Variants in LIN7A observed in about 807,000 individuals in gnomAD.
LIN7A encodes the protein protein lin-7 homolog A.
In LIN7A, 25 loss-of-function variants were observed where a neutral mutation model predicts 29.8. The observed-to-expected ratio is 0.84, with a 90% confidence interval of 0.61 to 1.17. The LOEUF is 1.17. Ranked by LOEUF, LIN7A falls within the 50% of genes most tolerant of loss-of-function variation. The probability of loss-of-function intolerance (pLI) is 0.00; values close to 1 mark genes in which losing one functional copy is unlikely to be tolerated. For synonymous variants in LIN7A, 118 were observed against 107.5 expected, an observed-to-expected ratio of 1.10 and a Z score of -0.60; for missense variants, 239 against 287.0, an observed-to-expected ratio of 0.83 and a Z score of 1.21.
intron 1 of LIN7A, among the ~76,000 whole-genome samples, chr12:80,901,443 T>C (rs574965660): frequency 6.6e-6 from 1 of 152,302 alleles, no homozygotes; most frequent in South Asian, 2.1e-4. Flanking sequence ...GCCACAAATA[T>C]ATACCAGTTG....
chr12:80,856,199 T>G (rs1214172942), intron 2 of LIN7A, among the ~76,000 whole-genome samples: 1 of 152,068 alleles, frequency 6.6e-6, no homozygotes, highest in Non-Finnish European at 1.5e-5. Flanking sequence ...CCAGTGAAAA[T>G]CCAAGAAGGA....
intron 2 of LIN7A, among the ~76,000 whole-genome samples, chr12:80,880,698 A>G (rs559195449): frequency 1.3e-5 from 2 of 151,828 alleles, no homozygotes; most frequent in East Asian, 3.9e-4. Flanking sequence ...CAGTATCAAG[A>G]TTTTTGTTCC....
chr12:80,815,892 G>A (rs1871506360), intron 4 of LIN7A, among the ~76,000 whole-genome samples: 1 of 151,988 alleles, frequency 6.6e-6, no homozygotes, highest in Admixed American at 6.6e-5. Flanking sequence ...ACAGCCTGAG[G>A]GTATATAGTA....
intron 1 of LIN7A, among the ~76,000 whole-genome samples, chr12:80,905,942 C>T (rs1565923802): frequency 6.6e-6 from 1 of 151,806 alleles, no homozygotes; most frequent in Non-Finnish European, 1.5e-5. Context: ...TCAAATCATT[C>T]CATTAATTTT....
At chr12:80,911,268 A>ATTTTTTTTT (rs768907424) in intron 1 of LIN7A, among the ~76,000 whole-genome samples, 5 of 105,890 alleles carry the variant, frequency 4.7e-5, no homozygotes, top group African/African-American at 3.5e-5. Context: ...AAGTTTGTCT[A>ATTTTTTTTT]TTTTTTTTTT....
chr12:80,903,388 A>G (rs1592938291), intron 1 of LIN7A, among the ~76,000 whole-genome samples: 1 of 151,958 alleles, frequency 6.6e-6, no homozygotes, highest in African/African-American at 2.4e-5. Flanking sequence ...TCCAGTGTCT[A>G]TTATTCCACA....
intron 1 of LIN7A, among the ~76,000 whole-genome samples, chr12:80,890,288 A>G (rs114476966): frequency 4.8e-4 from 73 of 152,262 alleles, no homozygotes; most frequent in African/African-American, 1.7e-3. Flanking sequence ...TAAATAACTC[A>G]CTGAAAAGCC....
chr12:80,864,778 C>T (rs144494497), intron 2 of LIN7A, among the ~76,000 whole-genome samples: 99 of 152,266 alleles, frequency 6.5e-4, no homozygotes, highest in Admixed American at 1.2e-3. Flanking sequence ...GAAAGTAGGT[C>T]AGTTTTATCA....
chr12:80,890,324 T>A (rs1017129110), intron 1 of LIN7A, among the ~76,000 whole-genome samples: 4 of 152,132 alleles, frequency 2.6e-5, no homozygotes, highest in African/African-American at 9.7e-5. Context: ...TTATAGGACA[T>A]GAGGTTTTCG....
chr12:80,825,911 T>C (rs1056618231), intron 4 of LIN7A, among the ~76,000 whole-genome samples: 4 of 152,220 alleles, frequency 2.6e-5, no homozygotes. Context: ...GGCAATTTAA[T>C]ATAAAACATC....
chr12:80,921,797 T>TG (rs1877322961), intron 1 of LIN7A, among the ~76,000 whole-genome samples: 1 of 152,202 alleles, frequency 6.6e-6, no homozygotes, highest in Non-Finnish European at 1.5e-5. Flanking sequence ...GATGCCAAAC[T>TG]GGCAATATTT....
chr12:80,935,140 C>T (rs1878137951), intron 1 of LIN7A, among the ~76,000 whole-genome samples: 1 of 152,118 alleles, frequency 6.6e-6, no homozygotes. Context: ...TTTTATTGTA[C>T]TGTGAGTCAG....
intron 2 of LIN7A, among the ~76,000 whole-genome samples, chr12:80,879,776 C>T (rs1363533785): frequency 6.6e-6 from 1 of 151,168 alleles, no homozygotes; most frequent in Non-Finnish European, 1.5e-5. Flanking sequence ...ACTATGTGCT[C>T]AAAGTTGCAG....
At chr12:80,841,253 T>C (rs917413943) in intron 4 of LIN7A, among the ~76,000 whole-genome samples, 3 of 149,056 alleles carry the variant, frequency 2.0e-5, no homozygotes, top group Admixed American at 1.4e-4. Flanking sequence ...ATCATACCAC[T>C]GCACTCCAGC....
intron 1 of LIN7A, among the ~76,000 whole-genome samples, chr12:80,917,626 C>CT (rs1437889140): frequency 1.3e-5 from 2 of 151,842 alleles, no homozygotes; most frequent in South Asian, 2.1e-4. Context: ...TTTAAATAAT[C>CT]TTTTTTCAAA....
chr12:80,882,608 C>T (rs1875119273), intron 2 of LIN7A, among the ~76,000 whole-genome samples: 1 of 152,088 alleles, frequency 6.6e-6, no homozygotes, highest in Non-Finnish European at 1.5e-5. Flanking sequence ...AATACTTACA[C>T]CTATTTTATG....
chr12:80,807,079 T>TTTTTTTTTTGTTG (rs1871058278), intron 5 of LIN7A, among the ~76,000 whole-genome samples: 1 of 131,916 alleles, frequency 7.6e-6, no homozygotes, highest in African/African-American at 2.9e-5. Flanking sequence ...TTTTTTTTTT[T>TTTTTTTTTTGTTG]TTTTTTTTTT....
chr12:80,893,521 C>T (rs969106855), intron 1 of LIN7A, among the ~76,000 whole-genome samples: 9 of 152,176 alleles, frequency 5.9e-5, no homozygotes, highest in African/African-American at 1.9e-4. Context: ...TGAGCCAACC[C>T]TTTTCTATTA....
intron 2 of LIN7A, among the ~76,000 whole-genome samples, chr12:80,853,621 T>G (rs1422882053): frequency 8.1e-6 from 1 of 123,796 alleles, no homozygotes; most frequent in African/African-American, 3.4e-5. Flanking sequence ...ACCTACACAC[T>G]TATTAGAATG....
Sources: allele counts gnomAD v4.1 joint callset (sites outside exome capture counted in the v4.1 genomes callset), GRCh38; gene constraint gnomAD v4.1.1; transcripts MANE v1.5; gene names NCBI Gene and HGNC (gene_info 2026-07-23, HGNC 2026-07-21).